Variants in LPP observed in about 807,000 individuals in gnomAD.
LPP encodes the protein lipoma-preferred partner.
A neutral mutation model predicts 60.4 loss-of-function variants in LPP; 38 were observed. The observed-to-expected ratio is 0.63, with a 90% CI of 0.49 to 0.83. LPP has a LOEUF of 0.83. Among genes scored for constraint, LPP ranks in the 40% least tolerant of loss-of-function variants. The probability of loss-of-function intolerance (pLI) is 0.00; values close to 1 mark genes in which losing one functional copy is unlikely to be tolerated. For synonymous variants in LPP, 328 were observed against 290.8 expected (o/e 1.13, Z -1.30); for missense variants, 902 against 783.6 (o/e 1.15, Z -1.80).
intron 9 of LPP, among the ~76,000 whole-genome samples, chr3:188,829,942 C>T (rs1756687804): frequency 2.0e-5 from 3 of 151,208 alleles, no homozygotes; most frequent in African/African-American, 7.3e-5. Context: ...GAGACTGAGG[C>T]AGGTGGATCA....
intron 6 of LPP, among the ~76,000 whole-genome samples, chr3:188,599,034 T>C (rs115848074): frequency 0.018 from 2,796 of 152,246 alleles, 40 homozygotes; most frequent in Non-Finnish European, 0.027. Context: ...ACTACATTTC[T>C]AGATGATAGA....
chr3:188,299,114 G>A (rs1376964555), intron 2 of LPP, among the ~76,000 whole-genome samples: 3 of 152,196 alleles, frequency 2.0e-5, no homozygotes, highest in African/African-American at 4.8e-5. Context: ...AGACAGACGG[G>A]TGAACTTGCT....
intron 2 of LPP, among the ~76,000 whole-genome samples, chr3:188,239,122 A>G (rs1466954846): frequency 6.6e-6 from 1 of 152,208 alleles, no homozygotes; most frequent in Admixed American, 6.5e-5. Context: ...GCAGCTTTGA[A>G]CAAGTCCAGT....
chr3:188,457,691 G>T (rs1798031239), intron 4 of LPP, among the ~76,000 whole-genome samples: 1 of 150,146 alleles, frequency 6.7e-6, no homozygotes, highest in Non-Finnish European at 1.5e-5. Context: ...AGGAGATCGA[G>T]ATCATCCTGG....
At position 188,507,487 on chromosome 3, in the gene LPP, G is replaced by C. The variant is rs138060235; in HGVS notation, c.307-17178G>C. Among the ~76,000 whole-genome samples the C allele has an allele frequency of 2.7e-3, 407 of 151,102 alleles. 2 individuals carry two copies. Among genetic ancestry groups the C allele is most frequent in the Non-Finnish European group, 4.4e-3 (301 of 67,780 alleles). On this transcript the variant is annotated intron_variant, in intron 5 of 11. Transcript: ENST00000617246. The stretch of plus-strand genomic sequence containing the variant: ...AATATGGGAATTTTTTTTTTTTGTA[G>C]TGAAAATAGTTACTCAGTGAAATCA...
At chr3:188,534,423 C>G (rs1017849500) in intron 6 of LPP, among the ~76,000 whole-genome samples, 3 of 152,230 alleles carry the variant, frequency 2.0e-5, no homozygotes, top group African/African-American at 7.2e-5. Flanking sequence ...TATGTCTATG[C>G]AGAAGCACAC....
chr3:188,553,989 G>C (rs1217279769), intron 6 of LPP: 1 of 152,158 alleles, frequency 6.6e-6, no homozygotes, highest in Non-Finnish European at 1.5e-5. Flanking sequence ...TTGCAGGCTG[G>C]GGGATAAAAG....
At chr3:188,652,867 C>T (rs935756698) in intron 7 of LPP, among the ~76,000 whole-genome samples, 10 of 152,186 alleles carry the variant, frequency 6.6e-5, no homozygotes, top group Admixed American at 3.3e-4. Context: ...CCTCTTACCA[C>T]GCCCTGTCTA....
intron 5 of LPP, among the ~76,000 whole-genome samples, chr3:188,522,632 A>G (rs1819190767): frequency 6.6e-6 from 1 of 152,018 alleles, no homozygotes; most frequent in Non-Finnish European, 1.5e-5. Context: ...GAGACTGAAA[A>G]TAAACAGAAA....
chr3:188,767,198 A>G (rs1280775715), intron 9 of LPP, among the ~76,000 whole-genome samples: 3 of 152,190 alleles, frequency 2.0e-5, no homozygotes, highest in African/African-American at 7.2e-5. Flanking sequence ...AGGGGCAAAG[A>G]TGTAGTAGTA....
chr3:188,321,503 A>G (rs1756950404), intron 2 of LPP, among the ~76,000 whole-genome samples: 1 of 152,206 alleles, frequency 6.6e-6, no homozygotes, highest in Non-Finnish European at 1.5e-5. Context: ...AGTTCTAATA[A>G]TATTGTCATT....
rs568093467 is a variant in LPP at position 188,359,824 on chromosome 3, T to C, written c.-10+18105T>C. On this transcript the variant is annotated intron_variant, in intron 3 of 11. Coordinates refer to ENST00000617246, the MANE Select transcript of LPP (RefSeq NM_001375462.1). ...CTCTGAAGAGCCTCTGAGCCCCCTGTAACTCTATTCTTGTATTGCATGACG... is the reference window on the plus strand; with the variant it reads ...CTCTGAAGAGCCTCTGAGCCCCCTGCAACTCTATTCTTGTATTGCATGACG... Among the ~76,000 whole-genome samples, 52 of 152,292 alleles carry C rather than the reference T, an allele frequency of 3.4e-4. 1 individual carries two copies. The highest frequency in any genetic ancestry group is 1.2e-3 in the African/African-American group (50 of 41,570).
intron 7 of LPP, among the ~76,000 whole-genome samples, chr3:188,657,256 G>GTATATATATATATATA (rs1441803027): frequency 1.7e-4 from 1 of 5,784 alleles, no homozygotes; most frequent in Non-Finnish European, 3.3e-4. Context: ...AGCTGTCAAG[G>GTATATATATATATATA]TGTATATATA....
chr3:188,319,162 C>T (rs1328846250), intron 2 of LPP, among the ~76,000 whole-genome samples: 4 of 152,172 alleles, frequency 2.6e-5, no homozygotes, highest in Non-Finnish European at 4.4e-5. Flanking sequence ...TCTCCACAGA[C>T]CCCTGTGAAT....
intron 2 of LPP, among the ~76,000 whole-genome samples, chr3:188,248,743 G>A (rs1309277381): frequency 6.6e-6 from 1 of 151,776 alleles, no homozygotes; most frequent in Non-Finnish European, 1.5e-5. Context: ...CAGCACATGT[G>A]ACCTAATCTA....
At chr3:188,485,943 G>A (rs6762273) in intron 5 of LPP, among the ~76,000 whole-genome samples, 28,688 of 151,596 alleles carry the variant, frequency 0.19, 4,758 homozygotes, top group African/African-American at 0.44. Flanking sequence ...CTGTTATTCC[G>A]TCTACCTTTT....
At chr3:188,336,269 A>G (rs1297277292) in intron 2 of LPP, among the ~76,000 whole-genome samples, 1 of 151,982 alleles carries the variant, frequency 6.6e-6, no homozygotes, top group Non-Finnish European at 1.5e-5. Flanking sequence ...GATCTTGCCA[A>G]CCTATTGTGA....
At chr3:188,224,703 C>G (rs1273362757) in intron 1 of LPP, among the ~76,000 whole-genome samples, 1 of 152,106 alleles carries the variant, frequency 6.6e-6, no homozygotes, top group Non-Finnish European at 1.5e-5. Flanking sequence ...ATGGCAAAAG[C>G]AGGAGCAAGA....
intron 9 of LPP, among the ~76,000 whole-genome samples, chr3:188,834,478 G>C (rs1206171359): frequency 6.6e-6 from 1 of 151,876 alleles, no homozygotes; most frequent in Non-Finnish European, 1.5e-5. Context: ...CAGTGGTTCA[G>C]ATGTGGTGCT....
Sources: allele counts gnomAD v4.1 joint callset (sites outside exome capture counted in the v4.1 genomes callset), GRCh38; gene constraint gnomAD v4.1.1; transcripts MANE v1.5; gene names NCBI Gene and HGNC (gene_info 2026-07-23, HGNC 2026-07-21).